Variants in LRRTM4 observed in about 807,000 individuals in gnomAD.
LRRTM4 encodes leucine-rich repeat transmembrane neuronal protein 4.
Under a neutral mutation model 47.6 loss-of-function variants are expected in LRRTM4, and 25 were observed. That is an observed-to-expected ratio of 0.53 (90% CI 0.38 to 0.73). The LOEUF is 0.73. Among genes scored for constraint, LRRTM4 ranks in the 30% least tolerant of loss-of-function variants. LRRTM4 has a pLI of 0.00. For missense variants in LRRTM4, 638 were observed against 713.4 expected (o/e 0.89, Z 1.20); for synonymous variants, 311 against 269.5 (o/e 1.15, Z -1.51).
chr2:77,090,281 G>A (rs570850061), intron 3 of LRRTM4, among the ~76,000 whole-genome samples: 33 of 152,220 alleles, frequency 2.2e-4, no homozygotes, highest in Non-Finnish European at 3.4e-4. Flanking sequence ...AATCAGAAGC[G>A]TTTAGGCTCT....
chr2:76,789,729 T>A (rs1674871272), intron 3 of LRRTM4, among the ~76,000 whole-genome samples: 1 of 152,152 alleles, frequency 6.6e-6, no homozygotes, highest in Non-Finnish European at 1.5e-5. Flanking sequence ...AATAACCAAA[T>A]TCCAGGTTTT....
chr2:76,840,216 G>A lies in LRRTM4; in HGVS notation c.1552-91300C>T, dbSNP rs1358905468. Among the ~76,000 whole-genome samples the A allele has an allele frequency of 3.9e-5, 6 of 152,108 alleles. No individual in the cohort carries two copies. The South Asian group carries it at 1.2e-3, about 32-fold the overall frequency. ...AGTGAAATGCATAATGATCAACTTG[G>A]ATTTATTTTTTTCCCCAAAACTATA... On this transcript the variant is annotated intron_variant, in intron 3 of 3. Transcript: ENST00000409884.
At chr2:77,207,306 A>T (rs2103913372) in intron 3 of LRRTM4, among the ~76,000 whole-genome samples, 1 of 146,062 alleles carries the variant, frequency 6.8e-6, no homozygotes, top group South Asian at 2.1e-4. Context: ...ATACGTATAT[A>T]TACACATGTA....
At chr2:77,031,803 G>A (rs1032097529) in intron 3 of LRRTM4, among the ~76,000 whole-genome samples, 39 of 152,102 alleles carry the variant, frequency 2.6e-4, no homozygotes, top group African/African-American at 8.9e-4. Context: ...TTAATATAGT[G>A]AATTATACTT....
intron 3 of LRRTM4, among the ~76,000 whole-genome samples, chr2:77,152,591 G>A (rs1334347204): frequency 6.6e-6 from 1 of 152,026 alleles, no homozygotes. Context: ...GCCTCCCAAA[G>A]TGCTGGGATT....
intron 3 of LRRTM4, among the ~76,000 whole-genome samples, chr2:77,509,694 T>C (rs994515594): frequency 2.6e-5 from 4 of 152,190 alleles, no homozygotes; most frequent in Non-Finnish European, 5.9e-5. Flanking sequence ...ACTGTAGCTT[T>C]TTATGGAGGA....
At chr2:76,927,584 TTCTC>T (rs1460874406) in intron 3 of LRRTM4, among the ~76,000 whole-genome samples, 6 of 152,146 alleles carry the variant, frequency 3.9e-5, no homozygotes, top group African/African-American at 1.2e-4. Context: ...GCCAATACCT[TTCTC>T]TATTCCAATC....
chr2:77,470,126 A>T (rs1030292551), intron 3 of LRRTM4, among the ~76,000 whole-genome samples: 2 of 152,148 alleles, frequency 1.3e-5, no homozygotes, highest in African/African-American at 4.8e-5. Flanking sequence ...AGGGGCATAT[A>T]TTTGGGCTGT....
intron 3 of LRRTM4, among the ~76,000 whole-genome samples, chr2:77,498,286 A>C (rs1293519046): frequency 2.6e-5 from 4 of 151,782 alleles, no homozygotes; most frequent in Non-Finnish European, 5.9e-5. Flanking sequence ...TGCTTCCTCT[A>C]GTAGAGCATG....
chr2:77,217,651 A>G (rs796537300), intron 3 of LRRTM4, among the ~76,000 whole-genome samples: 6 of 151,470 alleles, frequency 4.0e-5, no homozygotes, highest in African/African-American at 1.5e-4. Flanking sequence ...ATGTCCCATC[A>G]CTTCTGTTTT....
chr2:76,922,589 C>A (rs2103811770), intron 3 of LRRTM4, among the ~76,000 whole-genome samples: 1 of 152,054 alleles, frequency 6.6e-6, no homozygotes, highest in Non-Finnish European at 1.5e-5. Flanking sequence ...TTCATAGAAG[C>A]AGAAAGTGGA....
chr2:77,407,769 T>C (rs1573373251), intron 3 of LRRTM4, among the ~76,000 whole-genome samples: 1 of 146,010 alleles, frequency 6.8e-6, no homozygotes, highest in African/African-American at 2.5e-5. Flanking sequence ...ATTATATATA[T>C]GCATTTGAAA....
intron 3 of LRRTM4, among the ~76,000 whole-genome samples, chr2:76,940,821 A>C (rs1254588706): frequency 6.6e-6 from 1 of 151,950 alleles, no homozygotes; most frequent in African/African-American, 2.4e-5. Context: ...CAGAATTTAA[A>C]CCTGATAGCT....
chr2:77,286,978 A>T (rs1179614376), intron 3 of LRRTM4, among the ~76,000 whole-genome samples: 1 of 152,082 alleles, frequency 6.6e-6, no homozygotes, highest in African/African-American at 2.4e-5. Flanking sequence ...GGGAGAGTAC[A>T]ATTGCTTTTT....
At chr2:77,139,515 A>G (rs930824600) in intron 3 of LRRTM4, among the ~76,000 whole-genome samples, 1 of 152,198 alleles carries the variant, frequency 6.6e-6, no homozygotes, top group African/African-American at 2.4e-5. Flanking sequence ...ACCCACAGCC[A>G]ATATCATACT....
At chr2:77,371,145 A>G (rs557034915) in intron 3 of LRRTM4, among the ~76,000 whole-genome samples, 1 of 151,898 alleles carries the variant, frequency 6.6e-6, no homozygotes, top group South Asian at 2.1e-4. Flanking sequence ...ATTAGTTAAG[A>G]TGTGAGACAG....
At chr2:77,491,279 T>A (rs1318745415) in intron 3 of LRRTM4, among the ~76,000 whole-genome samples, 2 of 151,604 alleles carry the variant, frequency 1.3e-5, no homozygotes, top group Non-Finnish European at 2.9e-5. Flanking sequence ...ATTGAACAAC[T>A]GGAAGACAGA....
chr2:77,515,608 TA>T (rs997513483), intron 3 of LRRTM4, among the ~76,000 whole-genome samples: 1 of 151,282 alleles, frequency 6.6e-6, no homozygotes, highest in African/African-American at 2.4e-5. Flanking sequence ...AATTTTTTTT[TA>T]AAAAAACCTA....
chr2:77,379,689 C>T (rs1005718361), intron 3 of LRRTM4, among the ~76,000 whole-genome samples: 3 of 151,994 alleles, frequency 2.0e-5, no homozygotes, highest in Admixed American at 1.3e-4. Context: ...TAGATAAAGG[C>T]TATGAATAAA....
Sources: allele counts gnomAD v4.1 joint callset (sites outside exome capture counted in the v4.1 genomes callset), GRCh38; gene constraint gnomAD v4.1.1; transcripts MANE v1.5; gene names NCBI Gene and HGNC (gene_info 2026-07-23, HGNC 2026-07-21).